The following ATXN1 variants were observed in gnomAD, a reference collection of about 807,000 sequenced individuals.
ATXN1 encodes the protein ataxin-1.
ATXN1 carries 8 observed loss-of-function variants against 56.4 expected under a neutral mutation model. That is an observed-to-expected ratio of 0.14 (90% CI 0.08 to 0.26). ATXN1 has a LOEUF of 0.26. Among genes scored for constraint, ATXN1 ranks in the 10% least tolerant of loss-of-function variants. The pLI, the probability that ATXN1 is intolerant of heterozygous loss-of-function variation, is 1.00. For synonymous variants in ATXN1, 514 were observed against 494.6 expected (o/e 1.04, Z -0.52); for missense variants, 987 against 1,106.5 (o/e 0.89, Z 1.53).
chr6:16,328,703 G>T lies in ATXN1; in HGVS notation c.-160-233C>A, dbSNP rs1760907515. On this transcript the variant is annotated intron_variant, in intron 6 of 7. Transcript: ENST00000436367. This position sits in a 1 kb window ranked among gnomAD's most constrained non-coding sequence, Gnocchi z 6.2. ...AGGCAGGCAGATCACGAGGTCAGGAGATTAAGACCATCCTGGCTAACATGG... is the reference window on the plus strand; with the variant it reads ...AGGCAGGCAGATCACGAGGTCAGGATATTAAGACCATCCTGGCTAACATGG... Among the ~76,000 whole-genome samples the T allele has an allele frequency of 1.3e-5, 2 of 152,278 alleles. No homozygotes were observed.
chr6:16,499,863 A>C (rs1760850015), intron 5 of ATXN1, among the ~76,000 whole-genome samples: 1 of 152,230 alleles, frequency 6.6e-6, no homozygotes, highest in Admixed American at 6.5e-5. Flanking sequence ...CCCCTAAAGC[A>C]TCAGTTCTCC....
intron 2 of ATXN1, among the ~76,000 whole-genome samples, chr6:16,748,138 T>C (rs1760595780): frequency 6.6e-6 from 1 of 152,210 alleles, no homozygotes; most frequent in East Asian, 1.9e-4. Context: ...CATCATTTTC[T>C]TCAATTAATA....
chr6:16,413,573 T>C (rs1242809561), intron 6 of ATXN1, among the ~76,000 whole-genome samples: 1 of 152,126 alleles, frequency 6.6e-6, no homozygotes, highest in Non-Finnish European at 1.5e-5. Flanking sequence ...TGAATGTGAA[T>C]CAATGGGTGG....
intron 1 of ATXN1, chr6:16,761,086 ACG>A (rs749061180): frequency 1.1e-5 from 4 of 350,780 alleles, no homozygotes; most frequent in Non-Finnish European, 2.2e-5. Flanking sequence ...ACACACACAC[ACG>A]CACACACACA....
At chr6:16,745,933 CGTGTGTGTGTGTGTGT>C (rs60773814) in intron 2 of ATXN1, among the ~76,000 whole-genome samples, 37 of 147,234 alleles carry the variant, frequency 2.5e-4, no homozygotes, top group African/African-American at 8.0e-4. Context: ...CTATGCCTTC[CGTGTGTGTGTGTGTGT>C]GTGTGTGTGT....
chr6:16,409,822 T>C (rs1397970786), intron 6 of ATXN1, among the ~76,000 whole-genome samples: 1 of 152,152 alleles, frequency 6.6e-6, no homozygotes, highest in Non-Finnish European at 1.5e-5. Context: ...TTTGCGGCTT[T>C]TAAACAGCGA....
intron 6 of ATXN1, among the ~76,000 whole-genome samples, chr6:16,462,006 A>G (rs541361798): frequency 6.6e-6 from 1 of 152,352 alleles, no homozygotes; most frequent in African/African-American, 2.4e-5. Context: ...CTACTTGATC[A>G]GGAAACGGCC....
chr6:16,490,443 T>C (rs1760637900), intron 5 of ATXN1, among the ~76,000 whole-genome samples: 1 of 152,214 alleles, frequency 6.6e-6, no homozygotes, highest in African/African-American at 2.4e-5. Flanking sequence ...GTACTATACA[T>C]TCAATGCCAG....
intron 3 of ATXN1, among the ~76,000 whole-genome samples, chr6:16,630,313 C>G (rs986266511): frequency 1.4e-4 from 22 of 152,190 alleles, no homozygotes; most frequent in African/African-American, 5.3e-4. Context: ...CTAGCCATAC[C>G]GTTGTTATGC....
At chr6:16,699,306 A>C (rs1395354845) in intron 2 of ATXN1, among the ~76,000 whole-genome samples, 1 of 152,248 alleles carries the variant, frequency 6.6e-6, no homozygotes, top group Non-Finnish European at 1.5e-5. Flanking sequence ...CTTTGACCTC[A>C]CCATTCAATG....
chr6:16,635,846 C>A lies in ATXN1; in HGVS notation c.-489+21930G>T, dbSNP rs73725207. ...TGGGCTGGGGAGGCAGGCAACCCCGCACAGCAGCCAGCACAAACACAAAGC... is the reference window on the plus strand; with the variant it reads ...TGGGCTGGGGAGGCAGGCAACCCCGAACAGCAGCCAGCACAAACACAAAGC... On this transcript the variant is annotated intron_variant, in intron 3 of 7. Coordinates refer to ENST00000436367, the MANE Select transcript of ATXN1 (RefSeq NM_001128164.2). 8.2e-3 allele frequency among the ~76,000 whole-genome samples: 1,203 copies of A among 147,600 alleles called. 18 individuals are homozygous for A. Among genetic ancestry groups the A allele is most frequent in the African/African-American group, 0.028 (1,139 of 41,132 alleles).
intron 3 of ATXN1, among the ~76,000 whole-genome samples, chr6:16,606,206 G>C (rs1281657786): frequency 6.6e-6 from 1 of 151,966 alleles, no homozygotes; most frequent in Non-Finnish European, 1.5e-5. Flanking sequence ...ATGAGATAAG[G>C]TTCTATATTT....
intron 3 of ATXN1, among the ~76,000 whole-genome samples, chr6:16,644,006 G>T (rs1160912326): frequency 6.6e-6 from 1 of 152,064 alleles, no homozygotes; most frequent in Non-Finnish European, 1.5e-5. Context: ...AGACATAAAA[G>T]GACAAATATT....
chr6:16,520,170 A>G (rs1761259786), intron 5 of ATXN1, among the ~76,000 whole-genome samples: 1 of 152,218 alleles, frequency 6.6e-6, no homozygotes, highest in Admixed American at 6.5e-5. Context: ...GTTTGAGCTT[A>G]GAAACAACAG....
rs772199402 is a variant in ATXN1 at position 16,328,325 on chromosome 6, C to A, written c.-15G>T. 7.8e-5 allele frequency: 116 copies of A among 1,496,560 alleles called. No homozygotes were observed. The highest frequency in any genetic ancestry group is 1.0e-4 in the Non-Finnish European group (114 of 1,129,128). The allele number at this position is 1,496,560 out of a possible 1,614,324, so 92.7% of individuals were successfully genotyped here. A position where few individuals can be genotyped will look rare whatever the true frequency, so the allele number is the denominator to read the frequency against. On this transcript the variant is annotated 5_prime_UTR_variant, in exon 7 of 8. Transcript: ENST00000436367. This position sits in a 1 kb window ranked among gnomAD's most constrained non-coding sequence, Gnocchi z 6.2. ...TTGGATTTCATTTTTCGCCGTCCCCCCTCCACGGTGACTGTTTCACTGTCT... is the reference window on the plus strand; with the variant it reads ...TTGGATTTCATTTTTCGCCGTCCCCACTCCACGGTGACTGTTTCACTGTCT...
intron 6 of ATXN1, among the ~76,000 whole-genome samples, chr6:16,368,294 T>C (rs1761968231): frequency 6.6e-6 from 1 of 151,746 alleles, no homozygotes; most frequent in Non-Finnish European, 1.5e-5. Context: ...AAAACCACTT[T>C]TATGTGAGAG....
chr6:16,392,640 C>T (rs537866603), intron 6 of ATXN1, among the ~76,000 whole-genome samples: 5 of 152,026 alleles, frequency 3.3e-5, no homozygotes, highest in South Asian at 2.1e-4. Flanking sequence ...GGATTACAGG[C>T]GCCCGCCACC....
rs539030341 is a variant in ATXN1 at position 16,628,293 on chromosome 6, G to A, written c.-489+29483C>T. Among the ~76,000 whole-genome samples the A allele has an allele frequency of 6.6e-5, 10 of 152,260 alleles. No homozygotes were observed. In the South Asian group the frequency reaches 2.1e-3, roughly 32 times the overall value. ...TTTTGTTTTGTTTCCCCAAGGCCCA[G>A]CCGTGCCCGTCCCTAAAATCCATGG... On this transcript the variant is annotated intron_variant, in intron 3 of 7. Transcript: ENST00000436367.
In ATXN1 at chr6:16,326,007, G is replaced by A. The variant is rs797013205; in HGVS notation, c.1917+387C>T. On this transcript the variant is annotated intron_variant, in intron 7 of 7. Transcript: ENST00000436367. This position sits in a 1 kb window ranked among gnomAD's most constrained non-coding sequence, Gnocchi z 6.6. ...TAGCATCTAATCCCCTCACTCCAAC[G>A]GCATCCTCTGTCTTTTCCTGGTAAG... Among the ~76,000 whole-genome samples the A allele has an allele frequency of 1.8e-4, 28 of 152,268 alleles. No individual in the cohort carries two copies. The highest frequency in any genetic ancestry group is 6.3e-4 in the African/African-American group (26 of 41,556).
Sources: allele counts gnomAD v4.1 joint callset (sites outside exome capture counted in the v4.1 genomes callset), GRCh38; gene constraint gnomAD v4.1.1; non-coding constraint Gnocchi (gnomAD v3.1); transcripts MANE v1.5; gene names NCBI Gene and HGNC (gene_info 2026-07-23, HGNC 2026-07-21).